Variants in DGKE observed in about 807,000 individuals in gnomAD.
DGKE encodes the protein diacylglycerol kinase epsilon, also known as DAG kinase epsilon.
Under a neutral mutation model 70.0 loss-of-function variants are expected in DGKE, and 53 were observed. That is an observed-to-expected ratio of 0.76 (90% CI 0.61 to 0.95). The LOEUF (loss-of-function observed/expected upper bound fraction) is 0.95. Ranked by LOEUF, DGKE falls within the 40% of genes least tolerant of loss-of-function variation. The pLI, the probability that DGKE is intolerant of heterozygous loss-of-function variation, is 0.00. For synonymous variants in DGKE, 291 were observed against 257.0 expected (o/e 1.13, Z -1.27); for missense variants, 655 against 706.9 (o/e 0.93, Z 0.83).
chr17:56,862,589 C>A, intron 11 of DGKE, 23 bp from the exon 12 acceptor site: 1 of 1,484,766 alleles, frequency 6.7e-7, no homozygotes, highest in Non-Finnish European at 8.9e-7. Flanking sequence ...GACTTTTAAA[C>A]ATTATTTGTT....
At position 56,861,845 on chromosome 17, in the gene DGKE, C is replaced by G. The variant is rs1743130281; in HGVS notation, c.1339C>G (p.Leu447Val). 6.2e-7 allele frequency: 1 copy of G among 1,613,634 alleles called. No individual in the cohort carries two copies. The highest frequency in any genetic ancestry group is 8.5e-7 in the Non-Finnish European group (1 of 1,179,960). ...ALPSLEGIIV[L>V]NIGYWGGGCR... ...GCCCAGCTTGGAAGGTATTATAGTT[C>G]TGAACATCGGATACTGGGGCGGTGG... The change falls in exon 10 of 12, where the codon CTG becomes GTG. Residue 447 changes from leucine (L) to valine (V), a missense_variant. Leu to Val is a conservative substitution (Grantham distance 32). Transcript: ENST00000284061.
chr17:56,856,676 A>T, intron 8 of DGKE, 51 bp downstream of exon 8: 1 of 1,553,496 alleles, frequency 6.4e-7, no homozygotes, highest in Non-Finnish European at 8.7e-7. Context: ...GTACAGTAAA[A>T]ATCAATAGTT....
At chr17:56,849,907 G>A (rs1411294986) in intron 7 of DGKE, among the ~76,000 whole-genome samples, 1 of 152,130 alleles carries the variant, frequency 6.6e-6, no homozygotes, top group Non-Finnish European at 1.5e-5. Context: ...TAAAGACAGA[G>A]CTAGAGATGC....
At position 56,865,193 on chromosome 17, in the gene DGKE, TAGTGATTGTTTATATTACC is replaced by T. The variant is rs1467740935; in HGVS notation, c.*2405_*2423del. On this transcript the variant is annotated 3_prime_UTR_variant, in exon 12 of 12. Coordinates refer to ENST00000284061, the MANE Select transcript of DGKE (RefSeq NM_003647.3). The stretch of plus-strand genomic sequence containing the variant: ...CATGTTTGCAAGTTACATATTAGGG[TAGTGATTGTTTATATTACC>T]AGGGATTCTACACTTTACCAAAAAA... 1 of 152,152 alleles carries T rather than the reference TAGTGATTGTTTATATTACC, an allele frequency of 6.6e-6. No homozygotes were observed. Among genetic ancestry groups the T allele is most frequent in the Non-Finnish European group, 1.5e-5 (1 of 68,004 alleles). 9.4% of individuals were successfully genotyped at this position (152,152 alleles called of 1,614,324 possible). A position where few individuals can be genotyped will look rare whatever the true frequency, so the allele number is the denominator to read the frequency against.
intron 9 of DGKE, among the ~76,000 whole-genome samples, chr17:56,861,430 T>G (rs139094660): frequency 6.6e-6 from 1 of 152,132 alleles, no homozygotes; most frequent in Non-Finnish European, 1.5e-5. Context: ...TTTACTTTCC[T>G]GAGAAGGAAC....
chr17:56,854,619 A>G (rs1360155036), intron 7 of DGKE, among the ~76,000 whole-genome samples: 1 of 152,142 alleles, frequency 6.6e-6, no homozygotes, highest in African/African-American at 2.4e-5. Context: ...TCAGCCTAAA[A>G]GAGAGGATTT....
intron 5 of DGKE, 74 bp from the exon 6 acceptor site, chr17:56,848,622 T>C: frequency 4.6e-6 from 7 of 1,507,104 alleles, no homozygotes; most frequent in Non-Finnish European, 5.5e-6. Flanking sequence ...TTTGGTCTTA[T>C]TAAATTTTAC....
At chr17:56,842,804 G>A (rs1907066231) in intron 2 of DGKE, among the ~76,000 whole-genome samples, 1 of 152,080 alleles carries the variant, frequency 6.6e-6, no homozygotes, top group Non-Finnish European at 1.5e-5. Context: ...TATCTCTTCA[G>A]TCAGATCTGC....
intron 5 of DGKE, 148 bp downstream of exon 5, chr17:56,848,213 A>C (rs1034541272): frequency 2.1e-5 from 9 of 431,240 alleles, no homozygotes; most frequent in Non-Finnish European, 2.8e-5. Flanking sequence ...GCTGGAGTGC[A>C]GCGGCGCAGA....
rs745990961 is a variant in DGKE at position 56,835,111 on chromosome 17, T to C, written c.316T>C (p.Phe106Leu). 1 of 1,613,930 alleles carries C rather than the reference T, an allele frequency of 6.2e-7. No homozygotes were observed. The highest frequency in any genetic ancestry group is 8.5e-7 in the Non-Finnish European group (1 of 1,180,036). ...CTGCCTCAGGAAGGCCGACAAGCGC[T>C]TCCAGTGCAAGGAGATTATGCTCAA... Reference protein sequence around the residue: ...EGCLRKADKRFQCKEIMLKND... With the variant: ...EGCLRKADKRLQCKEIMLKND... The change falls in exon 2 of 12, where the codon TTC (phenylalanine) becomes CTC (leucine). Residue 106 changes from phenylalanine to leucine, a missense_variant. Physicochemically the swap from Phe to Leu is conservative, Grantham distance 22. Coordinates refer to ENST00000284061, the MANE Select transcript of DGKE (RefSeq NM_003647.3).
At position 56,834,873 on chromosome 17, in the gene DGKE, G is replaced by A; in HGVS notation, c.78G>A (p.Thr26=). ...LFADGHLILW[T]LCSVLLPVFI... is the part of the protein sequence containing the mutation. ...CGGACGGGCACCTGATCTTGTGGAC[G>A]CTGTGCTCGGTCCTGCTGCCGGTGT... is the stretch of plus-strand genomic sequence containing the variant. Residue 26 remains threonine, a synonymous_variant, in exon 2 of 12, where the codon ACG becomes ACA. Transcript: ENST00000284061. 6.2e-7 allele frequency: 1 copy of A among 1,613,164 alleles called. No individual in the cohort carries two copies. Among genetic ancestry groups the A allele is most frequent in the Non-Finnish European group, 8.5e-7 (1 of 1,179,732 alleles).
Position 56,867,612 on chromosome 17 carries a change from A to G in DGKE, c.*4821A>G, listed in dbSNP as rs1351076511. The G allele has an allele frequency of 1.3e-5, 2 of 152,152 alleles. No homozygotes were observed. Among genetic ancestry groups the G allele is most frequent in the African/African-American group, 4.9e-5 (2 of 40,926 alleles). The allele number at this position is 152,152 out of a possible 1,614,324, so 9.4% of individuals were successfully genotyped here. A position where few individuals can be genotyped will look rare whatever the true frequency, so the allele number is the denominator to read the frequency against. ...AGCAAGACTCCATCTCAAAAAAAAAAAGGCCGGGCGTGGTGGCTCACGCCT... is the reference window on the plus strand; with the variant it reads ...AGCAAGACTCCATCTCAAAAAAAAAGAGGCCGGGCGTGGTGGCTCACGCCT... On this transcript the variant is annotated 3_prime_UTR_variant, in exon 12 of 12. Coordinates refer to ENST00000284061, the MANE Select transcript of DGKE (RefSeq NM_003647.3).
intron 2 of DGKE, among the ~76,000 whole-genome samples, chr17:56,837,794 A>G (rs1360228607): frequency 6.6e-6 from 1 of 152,206 alleles, no homozygotes; most frequent in Non-Finnish European, 1.5e-5. Flanking sequence ...GTTACATTTC[A>G]AAGGACACTA....
At chr17:56,835,445 C>T (rs534521111) in intron 2 of DGKE, 186 bp downstream of exon 2, 3 of 641,188 alleles carry the variant, frequency 4.7e-6, no homozygotes, top group South Asian at 4.2e-5. Flanking sequence ...TTTGCTGAGA[C>T]GATGCATCCA....
At chr17:56,843,824 G>A (rs1055260464) in intron 2 of DGKE, among the ~76,000 whole-genome samples, 195 bp from the exon 3 acceptor site, 2 of 142,236 alleles carry the variant, frequency 1.4e-5, no homozygotes, top group Non-Finnish European at 3.1e-5. Flanking sequence ...AGTGCTGTTA[G>A]ATTAAACTGC....
chr17:56,857,415 G>A (rs1908014536), intron 8 of DGKE, among the ~76,000 whole-genome samples: 1 of 152,146 alleles, frequency 6.6e-6, no homozygotes, highest in African/African-American at 2.4e-5. Flanking sequence ...TCCGTTGATG[G>A]AATTTTGCTT....
intron 7 of DGKE, among the ~76,000 whole-genome samples, chr17:56,852,133 C>T (rs544195975): frequency 5.3e-5 from 8 of 152,206 alleles, no homozygotes; most frequent in South Asian, 4.1e-4. Flanking sequence ...CACAAATTGG[C>T]GGGGTGCGGT....
chr17:56,850,989 T>C (rs553635015), intron 7 of DGKE, among the ~76,000 whole-genome samples: 35 of 152,218 alleles, frequency 2.3e-4, no homozygotes, highest in Middle Eastern at 6.8e-3. Flanking sequence ...CAAAGGACTT[T>C]CCAGGCAGAG....
chr17:56,858,523 C>T, intron 8 of DGKE, 71 bp from the exon 9 acceptor site: 1 of 1,250,694 alleles, frequency 8.0e-7, no homozygotes. Context: ...AGCTTTGATA[C>T]AGCGTATTTT....
Sources: allele counts gnomAD v4.1 joint callset (sites outside exome capture counted in the v4.1 genomes callset), GRCh38; gene constraint gnomAD v4.1.1; transcripts MANE v1.5; gene names NCBI Gene and HGNC (gene_info 2026-07-23, HGNC 2026-07-21).